The following SLC24A2 variants were observed in gnomAD, a reference collection of about 807,000 sequenced individuals.
SLC24A2 encodes the protein sodium/potassium/calcium exchanger 2.
A neutral mutation model predicts 62.0 loss-of-function variants in SLC24A2; 36 were observed. That is an observed-to-expected ratio of 0.58 (90% CI 0.44 to 0.77). SLC24A2 has a LOEUF of 0.77. Ranked by LOEUF, SLC24A2 falls within the 30% of genes least tolerant of loss-of-function variation. SLC24A2 has a pLI of 0.00. For synonymous variants in SLC24A2, 358 were observed against 294.0 expected (o/e 1.22, Z -2.23); for missense variants, 846 against 817.9 (o/e 1.03, Z -0.42).
At chr9:19,857,197 T>C in the SLC24A2 span, among the ~76,000 whole-genome samples, 1,283 of 152,310 alleles carry the variant, frequency 8.4e-3, 21 homozygotes, top group African/African-American at 0.029. Flanking sequence ...TTTACTTATA[T>C]TCCTTGGTTT....
chr9:20,262,133 G>A, the SLC24A2 span, among the ~76,000 whole-genome samples: 1 of 152,112 alleles, frequency 6.6e-6, no homozygotes, highest in Admixed American at 6.5e-5. Flanking sequence ...GCCCCAAAAA[G>A]AGAAATAATG....
chr9:19,985,977 A>T, the SLC24A2 span, among the ~76,000 whole-genome samples: 70,601 of 151,962 alleles, frequency 0.46, 17,366 homozygotes, highest in Non-Finnish European at 0.55. Flanking sequence ...TTATTAAGAA[A>T]GTGAAAAGAC....
At chr9:19,559,837 G>C (rs1475211882) in intron 7 of SLC24A2, among the ~76,000 whole-genome samples, 3 of 152,164 alleles carry the variant, frequency 2.0e-5, no homozygotes, top group East Asian at 1.9e-4. Context: ...AGTGGGATCA[G>C]CATACTAATG....
intron 10 of SLC24A2, among the ~76,000 whole-genome samples, chr9:19,519,408 G>A (rs141917518): frequency 8.5e-4 from 129 of 151,370 alleles, no homozygotes; most frequent in African/African-American, 3.1e-3. Context: ...TGAACAAAAA[G>A]CATTTTGTAA....
At chr9:19,778,858 A>G (rs761710420) in intron 2 of SLC24A2, among the ~76,000 whole-genome samples, 2 of 152,264 alleles carry the variant, frequency 1.3e-5, no homozygotes, top group Non-Finnish European at 2.9e-5. Context: ...CACAAAATTT[A>G]TCAACAATGA....
intron 6 of SLC24A2, 54 bp from the exon 7 acceptor site, chr9:19,573,523 C>CAT: frequency 2.9e-6 from 1 of 349,890 alleles, no homozygotes; most frequent in Non-Finnish European, 4.6e-6. Flanking sequence ...CACACACACA[C>CAT]ACACACAGAG....
the SLC24A2 span, among the ~76,000 whole-genome samples, chr9:20,272,312 T>C: frequency 6.6e-6 from 1 of 152,208 alleles, no homozygotes; most frequent in Non-Finnish European, 1.5e-5. Context: ...ATTTCTGTGA[T>C]CATTCCTACC....
the SLC24A2 span, among the ~76,000 whole-genome samples, chr9:19,870,584 C>T: frequency 6.6e-6 from 1 of 152,064 alleles, no homozygotes; most frequent in East Asian, 1.9e-4. Flanking sequence ...AGAACTGTCA[C>T]ACTGTTTTCC....
At chr9:19,565,592 C>A (rs1338424096) in intron 7 of SLC24A2, among the ~76,000 whole-genome samples, 1 of 152,042 alleles carries the variant, frequency 6.6e-6, no homozygotes, top group African/African-American at 2.4e-5. Context: ...CAATGAATAA[C>A]TTTTTTCACA....
chr9:20,119,966 A>G, the SLC24A2 span, among the ~76,000 whole-genome samples: 1 of 152,162 alleles, frequency 6.6e-6, no homozygotes, highest in Non-Finnish European at 1.5e-5. Context: ...GAAGTGTGAC[A>G]CAAGTCTCAC....
the SLC24A2 span, among the ~76,000 whole-genome samples, chr9:20,290,103 C>A: frequency 1.6e-3 from 242 of 152,260 alleles, 1 homozygote; most frequent in African/African-American, 5.5e-3. Context: ...AACACAAACC[C>A]ACCACTTCCC....
the SLC24A2 span, among the ~76,000 whole-genome samples, chr9:20,227,115 G>A: frequency 2.6e-5 from 4 of 152,040 alleles, no homozygotes; most frequent in Admixed American, 6.6e-5. Flanking sequence ...GCTCTCGTTG[G>A]CTCTGAATGG....
intron 7 of SLC24A2, among the ~76,000 whole-genome samples, chr9:19,562,054 A>C (rs1019158138): frequency 2.0e-5 from 3 of 152,202 alleles, no homozygotes; most frequent in Non-Finnish European, 4.4e-5. Flanking sequence ...GTCTGGTGAA[A>C]TGCAACTGTT....
the SLC24A2 span, among the ~76,000 whole-genome samples, chr9:20,122,786 C>G: frequency 6.6e-6 from 1 of 152,168 alleles, no homozygotes; most frequent in African/African-American, 2.4e-5. Flanking sequence ...ATTAAATCTT[C>G]CTGTCTTCTT....
the SLC24A2 span, among the ~76,000 whole-genome samples, chr9:19,931,908 A>T: frequency 1.3e-5 from 2 of 152,072 alleles, no homozygotes; most frequent in African/African-American, 2.4e-5. Flanking sequence ...CTGGGTTTTT[A>T]ATTTAATTTT....
rs574960631 is a variant in SLC24A2 at position 19,569,120 on chromosome 9, C to T, written c.1347+4231G>A. On this transcript the variant is annotated intron_variant, in intron 7 of 10. Coordinates refer to ENST00000341998, the MANE Select transcript of SLC24A2 (RefSeq NM_020344.4). ...ATGGTTGAAACTAAGGATGGGCAAA[C>T]GTTTTCTGTAAAGGGCCAGATAGTA... is the stretch of plus-strand genomic sequence containing the variant. 2.6e-5 allele frequency among the ~76,000 whole-genome samples: 4 copies of T among 152,196 alleles called. No homozygotes were observed. The East Asian group carries it at 5.8e-4, about 22-fold the overall frequency.
At chr9:19,947,808 A>AGAAAGAAAGAAAGAAAG in the SLC24A2 span, among the ~76,000 whole-genome samples, 22 of 59,264 alleles carry the variant, frequency 3.7e-4, no homozygotes, top group African/African-American at 9.5e-4. Context: ...AAAAAAAAAA[A>AGAAAGAAAGAAAGAAAG]AAAGAAAGAA....
At chr9:19,759,895 G>C (rs750191440) in intron 2 of SLC24A2, among the ~76,000 whole-genome samples, 6 of 152,076 alleles carry the variant, frequency 3.9e-5, no homozygotes, top group Non-Finnish European at 8.8e-5. Context: ...ATATCCTTTT[G>C]TTAAAAAATA....
the SLC24A2 span, among the ~76,000 whole-genome samples, chr9:20,203,721 A>T: frequency 6.6e-6 from 1 of 152,148 alleles, no homozygotes; most frequent in Non-Finnish European, 1.5e-5. Flanking sequence ...AAGAAGAAGC[A>T]GCAGCAGCAG....
Sources: allele counts gnomAD v4.1 joint callset (sites outside exome capture counted in the v4.1 genomes callset), GRCh38; gene constraint gnomAD v4.1.1; transcripts MANE v1.5; gene names NCBI Gene and HGNC (gene_info 2026-07-23, HGNC 2026-07-21).